ABTB3: variants seen among roughly 807,000 people sequenced by gnomAD.
ABTB3 encodes the protein ankyrin repeat- and BTB/POZ domain-containing protein 3.
chr12:107,437,830 G>C, the ABTB3 span, among the ~76,000 whole-genome samples: 1 of 152,048 alleles, frequency 6.6e-6, no homozygotes, highest in African/African-American at 2.4e-5. Flanking sequence ...CCAGAATAAG[G>C]TCACATTCAC....
the ABTB3 span, among the ~76,000 whole-genome samples, chr12:107,339,105 C>T: frequency 6.6e-6 from 1 of 152,212 alleles, no homozygotes; most frequent in East Asian, 1.9e-4. Context: ...TGCACTCTTG[C>T]TAGTTCTGCA....
the ABTB3 span, among the ~76,000 whole-genome samples, chr12:107,516,335 A>G: frequency 6.6e-6 from 1 of 151,566 alleles, no homozygotes; most frequent in Admixed American, 6.6e-5. Flanking sequence ...AGTTCAAGTG[A>G]TTTTCCTGCC....
At chr12:107,412,540 T>G in the ABTB3 span, among the ~76,000 whole-genome samples, 2 of 152,122 alleles carry the variant, frequency 1.3e-5, no homozygotes, top group African/African-American at 4.8e-5. Context: ...AGAGATCATT[T>G]TATTATTTCA....
At chr12:107,429,372 C>T in the ABTB3 span, among the ~76,000 whole-genome samples, 25 of 152,308 alleles carry the variant, frequency 1.6e-4, no homozygotes, top group African/African-American at 3.4e-4. Context: ...GAAAACTGGT[C>T]GACCACACTT....
the ABTB3 span, chr12:107,642,182 G>T: frequency 6.2e-7 from 1 of 1,612,704 alleles, no homozygotes; most frequent in Non-Finnish European, 8.5e-7. Flanking sequence ...GTGAGCCCCT[G>T]GTGTGGCCTG....
chr12:107,540,438 T>G, the ABTB3 span, among the ~76,000 whole-genome samples: 11 of 152,078 alleles, frequency 7.2e-5, no homozygotes, highest in Non-Finnish European at 1.6e-4. Flanking sequence ...CAAATGCCAG[T>G]CTCTTCTGAA....
chr12:107,657,452 C>A, the ABTB3 span: 1 of 1,475,986 alleles, frequency 6.8e-7, no homozygotes, highest in Non-Finnish European at 9.5e-7. Flanking sequence ...AAGGCATAAT[C>A]TGAAAGGTGC....
the ABTB3 span, among the ~76,000 whole-genome samples, chr12:107,331,861 C>A: frequency 2.0e-5 from 3 of 152,226 alleles, no homozygotes; most frequent in African/African-American, 7.2e-5. Flanking sequence ...CTGCGGCAGC[C>A]ATGGTGGATG....
At chr12:107,358,352 G>A in the ABTB3 span, among the ~76,000 whole-genome samples, 12 of 152,168 alleles carry the variant, frequency 7.9e-5, no homozygotes, top group Non-Finnish European at 4.4e-5. Flanking sequence ...CTGGAGAAGG[G>A]CTTTCTAAGC....
the ABTB3 span, among the ~76,000 whole-genome samples, chr12:107,447,673 A>G: frequency 1.3e-5 from 2 of 152,144 alleles, no homozygotes; most frequent in Non-Finnish European, 2.9e-5. Context: ...TAGTTTTTGC[A>G]ATTACCAGGT....
At chr12:107,623,253 A>G in the ABTB3 span, among the ~76,000 whole-genome samples, 1 of 142,934 alleles carries the variant, frequency 7.0e-6, no homozygotes, top group Non-Finnish European at 1.5e-5. Flanking sequence ...TAGAGGCAGG[A>G]TTTCACCGTG....
At chr12:107,449,435 C>T in the ABTB3 span, among the ~76,000 whole-genome samples, 3 of 152,166 alleles carry the variant, frequency 2.0e-5, no homozygotes, top group Admixed American at 6.5e-5. Flanking sequence ...TCTCCTTTCA[C>T]TGCCTAAATT....
the ABTB3 span, among the ~76,000 whole-genome samples, chr12:107,423,167 A>G: frequency 6.6e-6 from 1 of 152,202 alleles, no homozygotes; most frequent in African/African-American, 2.4e-5. Flanking sequence ...AAAAACGAAT[A>G]CTATGTAGGC....
the ABTB3 span, among the ~76,000 whole-genome samples, chr12:107,457,900 C>G: frequency 6.6e-6 from 1 of 152,236 alleles, no homozygotes; most frequent in African/African-American, 2.4e-5. Flanking sequence ...AGTCCCTGCT[C>G]TGTCCCTTAC....
chr12:107,488,387 G>GA, the ABTB3 span, among the ~76,000 whole-genome samples: 542 of 151,536 alleles, frequency 3.6e-3, 5 homozygotes, highest in African/African-American at 0.012. Context: ...GCTTTCAAAA[G>GA]AAAAAAAAGT....
the ABTB3 span, among the ~76,000 whole-genome samples, chr12:107,642,449 G>A: frequency 2.6e-5 from 4 of 152,272 alleles, no homozygotes; most frequent in East Asian, 3.9e-4. Flanking sequence ...TGTGGGGGGC[G>A]GGGACAGTGA....
the ABTB3 span, among the ~76,000 whole-genome samples, chr12:107,620,494 AT>A: frequency 6.6e-6 from 1 of 152,118 alleles, no homozygotes; most frequent in Admixed American, 6.5e-5. Flanking sequence ...ACAGTATTAA[AT>A]TTGGGGGTGC....
At chr12:107,480,712 G>A in the ABTB3 span, among the ~76,000 whole-genome samples, 1 of 152,184 alleles carries the variant, frequency 6.6e-6, no homozygotes, top group South Asian at 2.1e-4. Context: ...ATGTGTGTGT[G>A]TGTGTGTTTG....
the ABTB3 span, among the ~76,000 whole-genome samples, chr12:107,495,362 G>A: frequency 6.6e-6 from 1 of 152,222 alleles, no homozygotes. Flanking sequence ...GCAGGCAGCA[G>A]TGGGGCTTGG....
Sources: gnomAD v4.1 joint callset for allele counts (sites outside exome capture counted in the v4.1 genomes callset) on GRCh38, gnomAD v4.1.1 for gene constraint, MANE v1.5 for transcripts, NCBI Gene and HGNC (gene_info 2026-07-23, HGNC 2026-07-21) for gene names.